Variants in DLG2 observed in about 807,000 individuals in gnomAD.
DLG2 encodes disks large homolog 2.
In DLG2, 45 loss-of-function variants were observed where a neutral mutation model predicts 132.5. The ratio of observed to expected loss-of-function variants is 0.34; its 90% CI spans 0.27 to 0.44. The LOEUF (loss-of-function observed/expected upper bound fraction) is 0.44, where lower values mean the gene tolerates loss of function less well. Among genes scored for constraint, DLG2 ranks in the 20% least tolerant of loss-of-function variants. The pLI is 1.00. For missense variants in DLG2, 1,045 were observed against 1,196.9 expected, an observed-to-expected ratio of 0.87 and a Z score of 1.87; for synonymous variants, 424 against 419.6, an observed-to-expected ratio of 1.01 and a Z score of -0.13.
intron 19 of DLG2, among the ~76,000 whole-genome samples, chr11:83,619,589 C>T (rs1226412214): frequency 6.6e-6 from 1 of 152,052 alleles, no homozygotes; most frequent in East Asian, 1.9e-4. Flanking sequence ...ATGTTCACTG[C>T]CAGCTCCTCA....
intron 6 of DLG2, among the ~76,000 whole-genome samples, chr11:84,561,370 T>C (rs988762039): frequency 1.3e-5 from 2 of 152,094 alleles, no homozygotes; most frequent in African/African-American, 2.4e-5. Flanking sequence ...AAGACTCAGA[T>C]TAAATGTTAC....
At chr11:83,511,450 A>T (rs1329379357) in intron 21 of DLG2, among the ~76,000 whole-genome samples, 2 of 152,182 alleles carry the variant, frequency 1.3e-5, no homozygotes, top group Middle Eastern at 3.2e-3. Context: ...CCCTAGTAGA[A>T]GATAATTTAT....
intron 7 of DLG2, among the ~76,000 whole-genome samples, chr11:84,439,450 A>G (rs1032262943): frequency 2.6e-5 from 4 of 151,876 alleles, no homozygotes; most frequent in Non-Finnish European, 4.4e-5. Flanking sequence ...CTCCTTTGAC[A>G]TGCCTTGCTG....
intron 15 of DLG2, among the ~76,000 whole-genome samples, chr11:83,896,040 A>T (rs72639163): frequency 0.15 from 20,578 of 140,088 alleles, 1,378 homozygotes; most frequent in East Asian, 0.21. Context: ...AAATGAATAT[A>T]CCAGGGACTC....
At chr11:83,615,921 G>T (rs1221848191) in intron 19 of DLG2, among the ~76,000 whole-genome samples, 1 of 152,162 alleles carries the variant, frequency 6.6e-6, no homozygotes, top group East Asian at 1.9e-4. Flanking sequence ...ATACAAAATT[G>T]TAAGATGATA....
In DLG2 at chr11:83,731,440, A is replaced by G. The variant is rs570189426; in HGVS notation, c.1825+55250T>C. 2.6e-4 allele frequency among the ~76,000 whole-genome samples: 40 copies of G among 152,304 alleles called. No homozygotes were observed. The Middle Eastern group carries it at 0.024, about 91-fold the overall frequency. Reference sequence around the variant, plus strand: ...GCTGAGGATGGTGGCTTCCAGCTTCATCCATGTCCCTGCAAAGAACATGAT... The same window carrying G: ...GCTGAGGATGGTGGCTTCCAGCTTCGTCCATGTCCCTGCAAAGAACATGAT... On this transcript the variant is annotated intron_variant, in intron 18 of 27. Coordinates refer to ENST00000376104, the MANE Select transcript of DLG2 (RefSeq NM_001142699.3).
chr11:84,261,425 T>C (rs1192707905), intron 7 of DLG2, among the ~76,000 whole-genome samples: 2 of 152,318 alleles, frequency 1.3e-5, no homozygotes, highest in African/African-American at 2.4e-5. Flanking sequence ...AAGTTCCAGA[T>C]GCTTCATGAT....
At chr11:84,950,242 T>C (rs950129413) in intron 6 of DLG2, among the ~76,000 whole-genome samples, 3 of 152,208 alleles carry the variant, frequency 2.0e-5, no homozygotes, top group Admixed American at 6.5e-5. Flanking sequence ...GATTTCATAC[T>C]GCTTTTTCAA....
In DLG2 at chr11:85,070,305, AAAATAAATAAAT is replaced by A. The variant is rs60646994; in HGVS notation, c.357+41344_357+41355del. Among the ~76,000 whole-genome samples the A allele has an allele frequency of 7.4e-4, 108 of 145,926 alleles. 1 individual carries two copies. Among genetic ancestry groups the A allele is most frequent in the African/African-American group, 2.2e-3 (89 of 39,892 alleles). On this transcript the variant is annotated intron_variant, in intron 6 of 27. Coordinates refer to ENST00000376104, the MANE Select transcript of DLG2 (RefSeq NM_001142699.3). ...TACCCTAGAACTTAAAGTATAATAA[AAAATAAATAAAT>A]AAATAAATAAATAAATAAATAAAAA...
chr11:84,227,443 AC>A (rs2097017734), intron 8 of DLG2, among the ~76,000 whole-genome samples: 1 of 151,364 alleles, frequency 6.6e-6, no homozygotes, highest in East Asian at 1.9e-4. Flanking sequence ...AGAGGATTGA[AC>A]CCCCTTATGT....
chr11:85,293,903 C>T (rs2079061054), intron 3 of DLG2, among the ~76,000 whole-genome samples: 1 of 152,014 alleles, frequency 6.6e-6, no homozygotes, highest in South Asian at 2.1e-4. Flanking sequence ...CTAATGCCCC[C>T]AACTATTCTC....
chr11:84,350,961 T>G (rs1410978017), intron 7 of DLG2, among the ~76,000 whole-genome samples: 2 of 152,118 alleles, frequency 1.3e-5, no homozygotes, highest in African/African-American at 4.8e-5. Context: ...TGTAAAAAAA[T>G]GCTTTTTAGA....
intron 3 of DLG2, among the ~76,000 whole-genome samples, chr11:85,398,795 A>G (rs781071163): frequency 5.3e-5 from 8 of 152,196 alleles, no homozygotes; most frequent in East Asian, 1.9e-4. Flanking sequence ...TAGCCTACTC[A>G]CCAAAAAAAG....
chr11:85,450,624 T>C (rs2092204785), intron 3 of DLG2, among the ~76,000 whole-genome samples: 2 of 152,214 alleles, frequency 1.3e-5, no homozygotes, highest in Non-Finnish European at 2.9e-5. Flanking sequence ...CAGGACATTT[T>C]ATCTGCAATT....
At chr11:85,309,554 T>A (rs2080183594) in intron 3 of DLG2, among the ~76,000 whole-genome samples, 1 of 152,020 alleles carries the variant, frequency 6.6e-6, no homozygotes, top group Non-Finnish European at 1.5e-5. Flanking sequence ...AGATTCCCAA[T>A]AGGCATTTAA....
chr11:85,520,073 G>A (rs1236079173), intron 3 of DLG2, among the ~76,000 whole-genome samples: 2 of 151,732 alleles, frequency 1.3e-5, no homozygotes, highest in Non-Finnish European at 2.9e-5. Flanking sequence ...TGGAGATGGG[G>A]CCTCTTTATA....
intron 15 of DLG2, among the ~76,000 whole-genome samples, chr11:83,899,618 C>T (rs1700241384): frequency 6.6e-6 from 1 of 152,184 alleles, no homozygotes; most frequent in South Asian, 2.1e-4. Context: ...CCTGCACAAG[C>T]TCTCTCTTCT....
intron 7 of DLG2, among the ~76,000 whole-genome samples, chr11:84,437,106 TA>T (rs1390610812): frequency 6.6e-6 from 1 of 152,212 alleles, no homozygotes; most frequent in Non-Finnish European, 1.5e-5. Flanking sequence ...TCATCCTATG[TA>T]ATTTAAAGGA....
chr11:84,792,649 G>T (rs1402071994), intron 6 of DLG2, among the ~76,000 whole-genome samples: 1 of 151,968 alleles, frequency 6.6e-6, no homozygotes, highest in African/African-American at 2.4e-5. Context: ...TTCAATATTG[G>T]TAGGTTCTAT....
Sources: gnomAD v4.1 joint callset for allele counts (sites outside exome capture counted in the v4.1 genomes callset) on GRCh38, gnomAD v4.1.1 for gene constraint, MANE v1.5 for transcripts, NCBI Gene and HGNC (gene_info 2026-07-23, HGNC 2026-07-21) for gene names.